CNTNAP2: variants seen among roughly 807,000 people sequenced by gnomAD.
CNTNAP2 encodes contactin associated protein 2.
A neutral mutation model predicts 155.2 loss-of-function variants in CNTNAP2; 98 were observed. That is an observed-to-expected ratio of 0.63 (90% CI 0.54 to 0.75). CNTNAP2 has a LOEUF of 0.75. Among genes scored for constraint, CNTNAP2 ranks in the 30% least tolerant of loss-of-function variants. The probability of loss-of-function intolerance (pLI) is 0.00; values close to 1 mark genes in which losing one functional copy is unlikely to be tolerated. For synonymous variants in CNTNAP2, 651 were observed against 631.2 expected (o/e 1.03, Z -0.47); for missense variants, 1,727 against 1,688.1 (o/e 1.02, Z -0.40).
At chr7:148,395,119 A>G (rs1585339311) in intron 22 of CNTNAP2, among the ~76,000 whole-genome samples, 2 of 120,718 alleles carry the variant, frequency 1.7e-5, no homozygotes, top group Admixed American at 8.5e-5. Context: ...GTTTCTGTTG[A>G]CCCCCCCCCC....
chr7:146,196,077 C>G (rs906760080), intron 1 of CNTNAP2, among the ~76,000 whole-genome samples: 8 of 152,086 alleles, frequency 5.3e-5, no homozygotes, highest in Non-Finnish European at 8.8e-5. Flanking sequence ...GCTTCCCCAA[C>G]CTTTAGAATG....
intron 2 of CNTNAP2, among the ~76,000 whole-genome samples, chr7:146,782,931 G>T (rs1254314459): frequency 1.3e-5 from 2 of 152,080 alleles, no homozygotes; most frequent in African/African-American, 4.8e-5. Flanking sequence ...GTTTAAATTT[G>T]TGTATTTGCC....
chr7:148,190,211 G>C (rs1308571183), intron 18 of CNTNAP2: 1 of 152,244 alleles, frequency 6.6e-6, no homozygotes, highest in Non-Finnish European at 1.5e-5. Context: ...AGTACTGATT[G>C]CCCAGGAAAG....
intron 15 of CNTNAP2, among the ~76,000 whole-genome samples, chr7:148,042,635 T>C (rs549222301): frequency 1.3e-5 from 2 of 152,184 alleles, no homozygotes; most frequent in African/African-American, 2.4e-5. Flanking sequence ...ACTTACTTAT[T>C]TGCTGCTTTT....
At chr7:146,712,628 C>A (rs983958142) in intron 1 of CNTNAP2, among the ~76,000 whole-genome samples, 4 of 151,364 alleles carry the variant, frequency 2.6e-5, no homozygotes, top group African/African-American at 7.2e-5. Flanking sequence ...AAAAAACTAA[C>A]CCCATGACTA....
At chr7:146,355,828 C>T (rs1025082930) in intron 1 of CNTNAP2, among the ~76,000 whole-genome samples, 1 of 152,056 alleles carries the variant, frequency 6.6e-6, no homozygotes, top group Non-Finnish European at 1.5e-5. Context: ...ATTGACCCAA[C>T]TGGTACTTTT....
chr7:146,596,182 A>G lies in CNTNAP2; in HGVS notation c.98-178089A>G, dbSNP rs1179518739. Among the ~76,000 whole-genome samples, 10 of 152,118 alleles carry G rather than the reference A, an allele frequency of 6.6e-5. No individual in the cohort carries two copies. The East Asian group carries it at 1.7e-3, about 27-fold the overall frequency. Reference sequence around the variant, plus strand: ...GTCTATAGTCAGTCTATCCACATAGATTTTCAGTCACTGTTACATTCAGTA... The same window carrying G: ...GTCTATAGTCAGTCTATCCACATAGGTTTTCAGTCACTGTTACATTCAGTA... On this transcript the variant is annotated intron_variant, in intron 1 of 23. Transcript: ENST00000361727.
intron 11 of CNTNAP2, among the ~76,000 whole-genome samples, chr7:147,547,494 G>C (rs954005251): frequency 1.3e-5 from 2 of 152,154 alleles, no homozygotes; most frequent in African/African-American, 4.8e-5. Flanking sequence ...CAGCAGCGCT[G>C]TCTCCTCAGC....
At chr7:148,100,205 T>A (rs73472228) in intron 15 of CNTNAP2, among the ~76,000 whole-genome samples, 15,204 of 152,036 alleles carry the variant, frequency 0.1, 2,034 homozygotes, top group African/African-American at 0.31. Context: ...GTTGGACTCT[T>A]GTCTTTCCTT....
rs191334639 is a variant in CNTNAP2 at position 147,243,141 on chromosome 7, G to C, written c.1349-57000G>C. Among the ~76,000 whole-genome samples the C allele has an allele frequency of 2.4e-3, 356 of 150,788 alleles. 1 individual carries two copies. The highest frequency in any genetic ancestry group is 8.1e-3 in the African/African-American group (332 of 40,984). On this transcript the variant is annotated intron_variant, in intron 8 of 23. Transcript: ENST00000361727. ...GCCTCCCAAGAGCTGGGACTACAGG[G>C]GCCCACCACCACGCCCGGCTAATTT...
At chr7:146,180,001 C>A (rs1201175310) in intron 1 of CNTNAP2, among the ~76,000 whole-genome samples, 2 of 152,130 alleles carry the variant, frequency 1.3e-5, no homozygotes, top group Non-Finnish European at 2.9e-5. Context: ...CACTTCCAAG[C>A]CATTCACAGT....
chr7:147,131,525 C>A (rs1218650604), intron 7 of CNTNAP2, among the ~76,000 whole-genome samples: 2 of 151,632 alleles, frequency 1.3e-5, no homozygotes, highest in African/African-American at 4.8e-5. Context: ...AGGGGAAAGC[C>A]TGAATTATTG....
At chr7:147,890,529 G>A (rs898876932) in intron 13 of CNTNAP2, among the ~76,000 whole-genome samples, 4 of 152,198 alleles carry the variant, frequency 2.6e-5, no homozygotes, top group Admixed American at 6.5e-5. Flanking sequence ...TGTCAAAGAG[G>A]TATCTGCATT....
chr7:147,319,679 T>A (rs985003493), intron 9 of CNTNAP2, among the ~76,000 whole-genome samples: 2 of 152,024 alleles, frequency 1.3e-5, no homozygotes, highest in South Asian at 2.1e-4. Flanking sequence ...CACCCAGAAA[T>A]GAGTAATGTT....
chr7:147,484,211 AAAGT>A (rs753393847), intron 10 of CNTNAP2, among the ~76,000 whole-genome samples: 45 of 152,346 alleles, frequency 3.0e-4, no homozygotes, highest in East Asian at 1.9e-3. Context: ...ATTTTATAAA[AAAGT>A]AAGTGTCTAT....
At chr7:147,623,485 T>G (rs1336020581) in intron 12 of CNTNAP2, among the ~76,000 whole-genome samples, 1 of 151,798 alleles carries the variant, frequency 6.6e-6, no homozygotes, top group Admixed American at 6.6e-5. Context: ...AACAAAAAAA[T>G]CAAAATGTAA....
chr7:147,295,122 T>G (rs931866007), intron 8 of CNTNAP2, among the ~76,000 whole-genome samples: 4 of 152,190 alleles, frequency 2.6e-5, no homozygotes, highest in Admixed American at 1.3e-4. Flanking sequence ...TACAAATACT[T>G]AATCCACCTA....
At position 146,629,556 on chromosome 7, in the gene CNTNAP2, G is replaced by A. The variant is rs560954167; in HGVS notation, c.98-144715G>A. The stretch of plus-strand genomic sequence containing the variant: ...TAAATAACAGAATATTTTATACCAA[G>A]GAATTATGGCATATGATTTCCTGAA... On this transcript the variant is annotated intron_variant, in intron 1 of 23. Transcript: ENST00000361727. Among the ~76,000 whole-genome samples the A allele has an allele frequency of 1.1e-4, 17 of 152,040 alleles. No individual in the cohort carries two copies. In the South Asian group the frequency reaches 3.5e-3, roughly 32 times the overall value.
At chr7:147,532,251 C>A (rs1439017183) in intron 11 of CNTNAP2, among the ~76,000 whole-genome samples, 1 of 152,128 alleles carries the variant, frequency 6.6e-6, no homozygotes, top group South Asian at 2.1e-4. Context: ...CGCCAGATGC[C>A]GTAAATCAAC....
Sources: gnomAD v4.1 joint callset for allele counts (sites outside exome capture counted in the v4.1 genomes callset) on GRCh38, gnomAD v4.1.1 for gene constraint, MANE v1.5 for transcripts, NCBI Gene and HGNC (gene_info 2026-07-23, HGNC 2026-07-21) for gene names.